The following CADPS2 variants were observed in gnomAD, a reference collection of about 807,000 sequenced individuals.
CADPS2 encodes the protein calcium-dependent secretion activator 2.
Under a neutral mutation model 172.5 loss-of-function variants are expected in CADPS2, and 93 were observed. That is an observed-to-expected ratio of 0.54 (90% confidence interval 0.46 to 0.64). The LOEUF is 0.64. CADPS2 is among the 30% of genes least tolerant of loss of function. CADPS2 has a pLI of 0.00. For synonymous variants in CADPS2, 546 were observed against 555.2 expected, an observed-to-expected ratio of 0.98 and a Z score of 0.23; for missense variants, 1,420 against 1,565.9, an observed-to-expected ratio of 0.91 and a Z score of 1.57.
At chr7:122,586,410 C>T (rs2069700404) in intron 6 of CADPS2, among the ~76,000 whole-genome samples, 1 of 151,908 alleles carries the variant, frequency 6.6e-6, no homozygotes, top group South Asian at 2.1e-4. Context: ...CCACTTTTGA[C>T]CTGTCTGAAA....
At chr7:122,670,746 C>T (rs1331806241) in intron 2 of CADPS2, among the ~76,000 whole-genome samples, 2 of 151,740 alleles carry the variant, frequency 1.3e-5, no homozygotes, top group Non-Finnish European at 2.9e-5. Flanking sequence ...AGTGATCCAC[C>T]TGCCTCAGCC....
chr7:122,475,174 G>A (rs185302286), intron 12 of CADPS2, among the ~76,000 whole-genome samples: 38 of 152,234 alleles, frequency 2.5e-4, no homozygotes, highest in Middle Eastern at 3.4e-3. Flanking sequence ...TAGACCCTGC[G>A]GGTTTATCAA....
At chr7:122,852,354 A>G (rs1813888894) in intron 1 of CADPS2, among the ~76,000 whole-genome samples, 1 of 152,198 alleles carries the variant, frequency 6.6e-6, no homozygotes. Flanking sequence ...ATTTTTAAAA[A>G]TCTCTGCCCT....
intron 1 of CADPS2, among the ~76,000 whole-genome samples, chr7:122,746,056 A>G (rs1038822371): frequency 2.0e-5 from 3 of 152,186 alleles, no homozygotes; most frequent in Non-Finnish European, 1.5e-5. Context: ...GGCAGTAAAA[A>G]TAGACATCTA....
chr7:122,571,004 G>A (rs1451929531), intron 7 of CADPS2, among the ~76,000 whole-genome samples: 1 of 151,882 alleles, frequency 6.6e-6, no homozygotes, highest in African/African-American at 2.4e-5. Context: ...TGCACATTGT[G>A]CATATGTACC....
rs1200809755 is a variant in CADPS2, at chr7:122,416,092, A to G, written c.2549T>C (p.Val850Ala). 1.3e-6 allele frequency: 2 copies of G among 1,545,862 alleles called. No individual in the cohort carries two copies. Among genetic ancestry groups the G allele is most frequent in the Non-Finnish European group, 1.8e-6 (2 of 1,140,296 alleles). ...ATGATGCTCTTCATTCTGCTGTAAG[A>G]CTTCTATGCAGAGCTCTGCCAGATG... ...ILHLAELCIE[V>A]LQQNEEHHAE... The change falls in exon 18 of 30, where the codon GTC becomes GCC. Residue 850 changes from valine (V) to alanine (A), a missense_variant. Physicochemically the swap from Val to Ala is moderately conservative, Grantham distance 64. Transcript: ENST00000449022.
At chr7:122,422,907 C>G (rs909914599) in intron 17 of CADPS2, among the ~76,000 whole-genome samples, 1 of 151,888 alleles carries the variant, frequency 6.6e-6, no homozygotes, top group Non-Finnish European at 1.5e-5. Context: ...TGCAGTGAGC[C>G]GAGATCGCGC....
intron 4 of CADPS2, among the ~76,000 whole-genome samples, chr7:122,625,686 T>C (rs956789520): frequency 1.3e-5 from 2 of 152,084 alleles, no homozygotes; most frequent in Non-Finnish European, 2.9e-5. Context: ...CCAGCCTGCC[T>C]ACTTGTCCTA....
intron 6 of CADPS2, among the ~76,000 whole-genome samples, chr7:122,613,385 C>T (rs190068174): frequency 2.6e-5 from 4 of 152,092 alleles, no homozygotes; most frequent in South Asian, 4.1e-4. Context: ...TGGCATTGCA[C>T]GTCAGGCAAG....
At chr7:122,492,398 C>T (rs2058374423) in intron 9 of CADPS2, among the ~76,000 whole-genome samples, 1 of 152,122 alleles carries the variant, frequency 6.6e-6, no homozygotes, top group South Asian at 2.1e-4. Context: ...TAAAGTCTTA[C>T]TAGAACCATA....
At chr7:122,876,842 T>TA (rs1230323979) in intron 1 of CADPS2, among the ~76,000 whole-genome samples, 13 of 151,674 alleles carry the variant, frequency 8.6e-5, no homozygotes, top group Middle Eastern at 3.2e-3. Flanking sequence ...AGCAATAGGC[T>TA]AAAAAAAACA....
chr7:122,444,992 T>C (rs1412615131), intron 15 of CADPS2, among the ~76,000 whole-genome samples: 1 of 152,166 alleles, frequency 6.6e-6, no homozygotes, highest in African/African-American at 2.4e-5. Context: ...ATAGTTCCGG[T>C]AGCATCTGTC....
chr7:122,451,812 T>C (rs907088595), intron 14 of CADPS2, among the ~76,000 whole-genome samples: 8 of 152,168 alleles, frequency 5.3e-5, no homozygotes, highest in Admixed American at 2.6e-4. Context: ...TGAAATCCCC[T>C]GAATGAAAAT....
chr7:122,655,134 T>C (rs1394515005), intron 3 of CADPS2, among the ~76,000 whole-genome samples: 1 of 152,188 alleles, frequency 6.6e-6, no homozygotes, highest in Non-Finnish European at 1.5e-5. Flanking sequence ...GAAAGTTGTG[T>C]CTTGAAGTGA....
At chr7:122,734,145 T>C (rs1372447596) in intron 2 of CADPS2, among the ~76,000 whole-genome samples, 1 of 151,428 alleles carries the variant, frequency 6.6e-6, no homozygotes, top group Non-Finnish European at 1.5e-5. Context: ...TAATTAGCTA[T>C]GCAGTATTGG....
At chr7:122,592,229 A>G (rs902401662) in intron 6 of CADPS2, among the ~76,000 whole-genome samples, 14 of 152,186 alleles carry the variant, frequency 9.2e-5, no homozygotes, top group Non-Finnish European at 1.6e-4. Flanking sequence ...CAAAAGACAC[A>G]TGAAAAAATG....
intron 4 of CADPS2, among the ~76,000 whole-genome samples, chr7:122,628,186 C>T (rs993547941): frequency 5.3e-5 from 8 of 152,116 alleles, no homozygotes; most frequent in African/African-American, 1.9e-4. Context: ...AATTTCTCAA[C>T]TTTCCCTCTA....
chr7:122,616,171 A>G (rs898444984), intron 5 of CADPS2, among the ~76,000 whole-genome samples: 10 of 152,216 alleles, frequency 6.6e-5, no homozygotes, highest in African/African-American at 2.4e-4. Flanking sequence ...TAAATTCTCA[A>G]AATTTAATTT....
intron 2 of CADPS2, among the ~76,000 whole-genome samples, chr7:122,704,713 G>A (rs1041347836): frequency 1.3e-5 from 2 of 151,872 alleles, no homozygotes; most frequent in African/African-American, 4.8e-5. Context: ...CCTCTCTTCT[G>A]CCCTCGTCTT....
Sources: allele counts gnomAD v4.1 joint callset (sites outside exome capture counted in the v4.1 genomes callset), GRCh38; gene constraint gnomAD v4.1.1; transcripts MANE v1.5; gene names NCBI Gene and HGNC (gene_info 2026-07-23, HGNC 2026-07-21).